PRSS53: variants seen among roughly 807,000 people sequenced by gnomAD.
The protein encoded by PRSS53 is serine protease 53.
Under a neutral mutation model 62.7 loss-of-function variants are expected in PRSS53, and 54 were observed. The ratio of observed to expected loss-of-function variants is 0.86; its 90% confidence interval spans 0.69 to 1.08. The LOEUF (loss-of-function observed/expected upper bound fraction) is 1.08. Among genes scored for constraint, PRSS53 ranks in the 50% least tolerant of loss-of-function variants. The pLI, the probability that PRSS53 is intolerant of heterozygous loss-of-function variation, is 0.00. For synonymous variants in PRSS53, 273 were observed against 300.0 expected (o/e 0.91, Z 0.93); for missense variants, 688 against 728.3 (o/e 0.94, Z 0.64).
intron 1 of PRSS53, chr16:31,088,436 A>T: frequency 4.0e-6 from 5 of 1,255,462 alleles, no homozygotes; most frequent in African/African-American, 1.5e-5. Flanking sequence ...CTGAGGCCAG[A>T]GGAGCCCAGA....
rs1357582415 is a variant in PRSS53 at position 31,086,688 on chromosome 16, G to A, written c.453C>T (p.Arg151=). 6 of 1,556,078 alleles carry A rather than the reference G, an allele frequency of 3.9e-6. No homozygotes were observed. In the African/African-American group the frequency reaches 5.4e-5, roughly 14 times the overall value. ...CCCAGCAGGAGGCTCCAAAGGGGAA[G>A]CGATGGGCGGGCTGGGGCAGGCAGA... Residue 151 remains arginine (R), a synonymous_variant, in exon 4 of 11, where the codon CGC becomes CGT. Transcript: ENST00000280606.
chr16:31,083,716 G>T (rs1158265675), exon 11 of PRSS53: 7 of 1,612,366 alleles, frequency 4.3e-6, no homozygotes, highest in African/African-American at 1.3e-5. Context: ...CACATGACAG[G>T]GTGGGGAGGA....
intron 7 of PRSS53, 34 bp from the exon 8 acceptor site, chr16:31,085,058 CAG>C: frequency 6.2e-7 from 1 of 1,610,388 alleles, no homozygotes; most frequent in Non-Finnish European, 8.5e-7. Context: ...CACCAGGTGA[CAG>C]GGCTGCCGGC....
intron 10 of PRSS53, 43 bp downstream of exon 10, chr16:31,084,059 ACTGGAGAGAGAAGGGTC>A: frequency 6.5e-7 from 1 of 1,533,142 alleles, no homozygotes; most frequent in East Asian, 2.5e-5. Flanking sequence ...GCACGTTCTC[ACTGGAGAGAGAAGGGTC>A]CTGGAGAGGC....
At chr16:31,084,519 A>G (rs778883909) in intron 9 of PRSS53, 39 bp downstream of exon 9, 4 of 1,576,224 alleles carry the variant, frequency 2.5e-6, no homozygotes, top group Admixed American at 3.6e-5. Context: ...AGGGGATGCC[A>G]GGGGCCTGTT....
At chr16:31,086,115 G>A (rs1172816555) in exon 6 of PRSS53, 1 of 1,613,528 alleles carries the variant, frequency 6.2e-7, no homozygotes, top group Admixed American at 1.7e-5. Flanking sequence ...TTGATGCAAA[G>A]CTGATGATGC....
In PRSS53 at chr16:31,084,853, G is replaced by A. The variant is rs753491933; in HGVS notation, c.1206C>T (p.Cys402=). ...GCAGGTGGTGGTCAGGATAGGGCAG[G>A]CAGAGGGGCCGCAGGCTGGCTCCCA... Residue 402 remains cysteine (C), a synonymous_variant, in exon 8 of 11, where the codon TGC becomes TGT. Transcript: ENST00000280606. 8 of 1,550,258 alleles carry A rather than the reference G, an allele frequency of 5.2e-6. No individual in the cohort carries two copies. The South Asian group carries it at 9.5e-5, about 18-fold the overall frequency.
chr16:31,087,350 T>G (rs2057245075), intron 3 of PRSS53, 187 bp downstream of exon 3: 1 of 614,860 alleles, frequency 1.6e-6, no homozygotes, highest in African/African-American at 1.9e-5. Flanking sequence ...TTTTCTGATT[T>G]GTAAATCTTC....
At chr16:31,086,766 C>G (rs1161173068) in exon 4 of PRSS53, 3 of 1,612,690 alleles carry the variant, frequency 1.9e-6, no homozygotes, top group Middle Eastern at 1.7e-4. Flanking sequence ...GGTCTGAGCC[C>G]TGGCTGTAGT....
exon 5 of PRSS53, chr16:31,086,470 A>C: frequency 6.2e-7 from 1 of 1,613,628 alleles, no homozygotes; most frequent in Non-Finnish European, 8.5e-7. Flanking sequence ...ACGCAGGCGC[A>C]GATTGCGTAG....
chr16:31,088,411 G>A (rs1429109472), intron 1 of PRSS53: 1 of 1,195,910 alleles, frequency 8.4e-7, no homozygotes, highest in Non-Finnish European at 1.0e-6. Flanking sequence ...GAGGATGGAT[G>A]AAAAGAAAGG....
In PRSS53 at chr16:31,086,194, G is replaced by A. The variant is rs533355715; in HGVS notation, c.664-11C>T. On this transcript the variant is annotated splice_polypyrimidine_tract_variant and intron_variant, in intron 5 of 10. Transcript: ENST00000280606. ...GCCCCCGGAATCTCCCTGGAGCCAG[G>A]CAACAAAGCCAAGGACAGATGCCTG... 1.0e-4 allele frequency: 161 copies of A among 1,608,406 alleles called. 4 individuals carry two copies. In the South Asian group the frequency reaches 1.6e-3, roughly 16 times the overall value.
At chr16:31,084,047 C>A in intron 10 of PRSS53, 72 bp downstream of exon 10, 7 of 1,522,208 alleles carry the variant, frequency 4.6e-6, no homozygotes, top group Non-Finnish European at 6.2e-6. Context: ...TGGGTTAGAA[C>A]GGCACGTTCT....
exon 11 of PRSS53, chr16:31,083,747 G>C: frequency 6.2e-7 from 1 of 1,613,982 alleles, no homozygotes; most frequent in Non-Finnish European, 8.5e-7. Flanking sequence ...AATGCCATTT[G>C]CCTGCCTGCA....
At chr16:31,087,461 C>T (rs776300696) in intron 3 of PRSS53, 76 bp downstream of exon 3, 2 of 1,118,578 alleles carry the variant, frequency 1.8e-6, no homozygotes, top group Non-Finnish European at 2.6e-6. Flanking sequence ...GAGGCAGGGA[C>T]TAGCCTTGTG....
intron 3 of PRSS53, 24 bp from the exon 4 acceptor site, chr16:31,086,922 A>AGGC (rs770661511): frequency 4.3e-5 from 68 of 1,567,808 alleles, no homozygotes; most frequent in African/African-American, 5.4e-5. Context: ...GACAAGGTCC[A>AGGC]GGCTGCTGAG....
intron 10 of PRSS53, 99 bp downstream of exon 10, chr16:31,084,020 A>C: frequency 6.0e-6 from 9 of 1,503,238 alleles, no homozygotes; most frequent in Non-Finnish European, 7.1e-6. Flanking sequence ...GCTCCACCCT[A>C]CCCAAGGCAG....
exon 6 of PRSS53, chr16:31,085,977 C>T: frequency 1.9e-6 from 3 of 1,613,786 alleles, no homozygotes; most frequent in Non-Finnish European, 2.5e-6. Flanking sequence ...CACAGCTGTC[C>T]TCATCACTCA....
At chr16:31,083,862 C>G (rs758367610) in intron 10 of PRSS53, 53 bp from the exon 11 acceptor site, 1 of 1,594,170 alleles carries the variant, frequency 6.3e-7, no homozygotes, top group Non-Finnish European at 8.6e-7. Context: ...GCTTTGGTCC[C>G]TCCCTCCCTC....
Sources: gnomAD v4.1 joint callset for allele counts on GRCh38, gnomAD v4.1.1 for gene constraint, MANE v1.5 for transcripts, NCBI Gene and HGNC (gene_info 2026-07-23, HGNC 2026-07-21) for gene names.